Variants in ARRDC2 observed in about 807,000 individuals in gnomAD.
ARRDC2 encodes arrestin domain containing 2.
Under a neutral mutation model 38.9 loss-of-function variants are expected in ARRDC2, and 39 were observed. The observed-to-expected ratio is 1.00, with a 90% CI of 0.78 to 1.31. The LOEUF (loss-of-function observed/expected upper bound fraction) is 1.31. Ranked by LOEUF, ARRDC2 falls within the 50% of genes most tolerant of loss-of-function variation. ARRDC2 has a pLI of 0.00. For missense variants in ARRDC2, 553 were observed against 588.4 expected (o/e 0.94, Z 0.62); for synonymous variants, 300 against 261.9 (o/e 1.15, Z -1.41).
chr19:18,004,106 C>T (rs1384814045), upstream of ARRDC2, among the ~76,000 whole-genome samples: 5 of 148,050 alleles, frequency 3.4e-5, no homozygotes, highest in East Asian at 2.2e-4. Flanking sequence ...ATTGGCTGGG[C>T]GCAGTGGCTT....
Position 18,012,895 on chromosome 19 carries a change from T to G in ARRDC2, c.1171-18T>G. ...GTTTCCAGTGTTCTCTGAGGCTTAA[T>G]GGGAACATTTCTCTTAGGAGGATCC... On this transcript the variant is annotated intron_variant, in intron 7 of 7. Coordinates refer to ENST00000222250, the MANE Select transcript of ARRDC2 (RefSeq NM_015683.2). 6.2e-7 allele frequency: 1 copy of G among 1,611,960 alleles called. No homozygotes were observed. Among genetic ancestry groups the G allele is most frequent in the Non-Finnish European group, 8.5e-7 (1 of 1,178,468 alleles).
In ARRDC2 at chr19:18,008,705, C is replaced by T. The variant is rs766662367; in HGVS notation, c.275-6C>T. On this transcript the variant is annotated splice_polypyrimidine_tract_variant and splice_region_variant and intron_variant, in intron 1 of 7. Coordinates refer to ENST00000222250, the MANE Select transcript of ARRDC2 (RefSeq NM_015683.2). ...CTCAGTCGCCTCCTTTTTCTCCTAC[C>T]TGCAGATACCGGGGAGACCACGACG... is the stretch of plus-strand genomic sequence containing the variant. 3.6e-5 allele frequency: 58 copies of T among 1,612,970 alleles called. No individual in the cohort carries two copies. Among genetic ancestry groups the T allele is most frequent in the Admixed American group, 1.7e-4 (10 of 59,994 alleles).
chr19:18,001,243 G>C lies in ARRDC2; in HGVS notation c.-72G>C, dbSNP rs368334645. On this transcript the variant is annotated 5_prime_UTR_variant, in exon 1 of 8. Transcript: ENST00000379656. Reference sequence around the variant, plus strand: ...CGCGACGGGGGAACGCGGAAACCCCGGGGATCTGCAGGCGCGCCCGGGCCG... The same window carrying C: ...CGCGACGGGGGAACGCGGAAACCCCCGGGATCTGCAGGCGCGCCCGGGCCG... 1.4e-5 allele frequency: 16 copies of C among 1,135,472 alleles called. No individual in the cohort carries two copies. In the South Asian group the frequency reaches 5.7e-4, roughly 40 times the overall value. 70.3% of individuals were successfully genotyped at this position (1,135,472 alleles called of 1,614,324 possible). A position where few individuals can be genotyped will look rare whatever the true frequency, so the allele number is the denominator to read the frequency against.
In ARRDC2 at chr19:18,008,540, A is replaced by G; in HGVS notation, c.230A>G (p.Glu77Gly). Residue 77 changes from glutamate to glycine, a missense_variant, in exon 1 of 8, where the codon GAA (glutamate) becomes GGA (glycine). Around this residue, in one of 3 missense-constraint regions of ARRDC2, gnomAD observed 447 missense variants for 456.6 expected, o/e 0.98. Coordinates refer to ENST00000222250, the MANE Select transcript of ARRDC2 (RefSeq NM_015683.2). ...SSTAYTQSYSERVEVVSHRAT... is the reference protein window; with the variant it reads ...SSTAYTQSYSGRVEVVSHRAT... ...ACGGCTTACACGCAGAGCTACAGTG[A>G]ACGCGTGGAGGTCGTGAGCCACCGC... The G allele has an allele frequency of 6.4e-7, 1 of 1,558,250 alleles. No homozygotes were observed. The highest frequency in any genetic ancestry group is 8.6e-7 in the Non-Finnish European group (1 of 1,159,476).
chr19:18,001,552 C>A (rs113540008), exon 1 of ARRDC2: 1 of 1,372,806 alleles, frequency 7.3e-7, no homozygotes, highest in South Asian at 1.6e-5. Context: ...CTACCTGCGG[C>A]GTCGGCAGCT....
At position 18,008,715 on chromosome 19, in the gene ARRDC2, C is replaced by CG. The variant is rs761759708; in HGVS notation, c.283dup (p.Glu95GlyfsTer11). 72 of 1,613,292 alleles carry CG rather than the reference C, an allele frequency of 4.5e-5. No individual in the cohort carries two copies. The highest frequency in any genetic ancestry group is 1.2e-4 in the Admixed American group (7 of 60,008). The stretch of plus-strand genomic sequence containing the variant: ...TCCTTTTTCTCCTACCTGCAGATAC[C>CG]GGGGAGACCACGACGCTGCCTCCTG... On this transcript the variant is annotated frameshift_variant, in exon 2 of 8. Coordinates refer to ENST00000222250, the MANE Select transcript of ARRDC2 (RefSeq NM_015683.2). LOFTEE classifies it high-confidence loss of function.
At chr19:18,005,821 C>A (rs1356423784), upstream of ARRDC2, among the ~76,000 whole-genome samples, 1 of 151,894 alleles carries the variant, frequency 6.6e-6, no homozygotes, top group Non-Finnish European at 1.5e-5. Flanking sequence ...AAGCTCCTCA[C>A]TTCCCAGACG....
chr19:18,003,159 A>T (rs570719035), intron 1 of ARRDC2, among the ~76,000 whole-genome samples: 1 of 152,076 alleles, frequency 6.6e-6, no homozygotes, highest in Non-Finnish European at 1.5e-5. Flanking sequence ...TGGTGGGTCC[A>T]CCTGTGGTCC....
At position 18,013,029 on chromosome 19, in the gene ARRDC2, G is replaced by A. The variant is rs914738461; in HGVS notation, c.*63G>A. 2 of 1,565,586 alleles carry A rather than the reference G, an allele frequency of 1.3e-6. No homozygotes were observed. The highest frequency in any genetic ancestry group is 1.7e-5 in the Admixed American group (1 of 58,680). ...CAGCTTTCAGCCACCATGACTGTGGGGAGTGGCTGGACCAAGGGCTGACCT... is the reference window on the plus strand; with the variant it reads ...CAGCTTTCAGCCACCATGACTGTGGAGAGTGGCTGGACCAAGGGCTGACCT... On this transcript the variant is annotated 3_prime_UTR_variant, in exon 8 of 8. Coordinates refer to ENST00000222250, the MANE Select transcript of ARRDC2 (RefSeq NM_015683.2).
chr19:18,011,363 C>T (rs1363516285), intron 7 of ARRDC2, among the ~76,000 whole-genome samples: 1 of 151,914 alleles, frequency 6.6e-6, no homozygotes, highest in African/African-American at 2.4e-5. Context: ...AACTCCTGGG[C>T]TCAAATGATC....
chr19:18,007,161 C>A (rs2033296954), upstream of ARRDC2: 1 of 152,370 alleles, frequency 6.6e-6, no homozygotes, highest in African/African-American at 2.4e-5. Flanking sequence ...GAGAGGGCGC[C>A]AGCGTCCCGC....
Position 18,008,603 on chromosome 19 carries a change from T to A in ARRDC2, c.274+19T>A. Reference sequence around the variant, plus strand: ...GCGCCAGGTACGGATGGAGGACCCCTGCTCCAACACCAGTTGTGTGCCTCC... The same window carrying A: ...GCGCCAGGTACGGATGGAGGACCCCAGCTCCAACACCAGTTGTGTGCCTCC... On this transcript the variant is annotated intron_variant, in intron 1 of 7. Coordinates refer to ENST00000222250, the MANE Select transcript of ARRDC2 (RefSeq NM_015683.2). 1 of 1,594,998 alleles carries A rather than the reference T, an allele frequency of 6.3e-7. No individual in the cohort carries two copies. Among genetic ancestry groups the A allele is most frequent in the Non-Finnish European group, 8.5e-7 (1 of 1,177,162 alleles).
chr19:18,011,948 ATATATT>A (rs1174554643), intron 7 of ARRDC2, among the ~76,000 whole-genome samples: 28 of 55,084 alleles, frequency 5.1e-4, no homozygotes, highest in African/African-American at 2.0e-3. Context: ...ATATATATAT[ATATATT>A]TTTTTTTTTT....
At chr19:18,008,932 C>G (rs746492598) in intron 2 of ARRDC2, 39 bp from the exon 3 acceptor site, 11 of 1,610,210 alleles carry the variant, frequency 6.8e-6, no homozygotes, top group African/African-American at 2.7e-5. Flanking sequence ...CTGCTTGTCT[C>G]TGTATCTTGT....
chr19:18,007,991 C>T, upstream of ARRDC2: 1 of 552,974 alleles, frequency 1.8e-6, no homozygotes, highest in Non-Finnish European at 2.9e-6. Context: ...CCCCGGGGTC[C>T]GCGAGGGAAG....
At chr19:18,008,121 A>ACCCCCCCCCCCC (rs149842719), upstream of ARRDC2, 54 of 370,626 alleles carry the variant, frequency 1.5e-4, no homozygotes, top group South Asian at 4.5e-4. Context: ...CGGTGACCCC[A>ACCCCCCCCCCCC]CCCCCCCCCG....
rs150741664 is a variant in ARRDC2, at chr19:18,009,037, C to T, written c.408C>T (p.His136=). The T allele has an allele frequency of 7.4e-6, 12 of 1,613,530 alleles. No individual in the cohort carries two copies. The highest frequency in any genetic ancestry group is 9.3e-6 in the Non-Finnish European group (11 of 1,180,002). Residue 136 remains histidine (H), a synonymous_variant, in exon 3 of 8, where the codon CAC becomes CAT. Coordinates refer to ENST00000222250, the MANE Select transcript of ARRDC2 (RefSeq NM_015683.2). ...SVRYCIKATL[H]RPWVPARRAR... is the part of the protein sequence containing the mutation. Reference sequence around the variant, plus strand: ...GCTACTGTATCAAGGCCACCCTGCACCGGCCCTGGGTCCCAGCACGCCGGG... The same window carrying T: ...GCTACTGTATCAAGGCCACCCTGCATCGGCCCTGGGTCCCAGCACGCCGGG...
At chr19:18,011,712 A>C (rs923851754) in intron 7 of ARRDC2, among the ~76,000 whole-genome samples, 1 of 151,690 alleles carries the variant, frequency 6.6e-6, no homozygotes, top group Non-Finnish European at 1.5e-5. Flanking sequence ...ACTGCAAATA[A>C]TACAAAATTA....
chr19:18,008,565 C>T lies in ARRDC2; in HGVS notation c.255C>T (p.Arg85=), dbSNP rs779259957. 86 of 1,578,902 alleles carry T rather than the reference C, an allele frequency of 5.4e-5. No homozygotes were observed. Among genetic ancestry groups the T allele is most frequent in the Non-Finnish European group, 6.8e-5 (79 of 1,170,264 alleles). ...YSERVEVVSH[R]ATLLAPDTGE... ...AACGCGTGGAGGTCGTGAGCCACCGCGCCACGCTCCTGGCGCCAGGTACGG... is the reference window on the plus strand; with the variant it reads ...AACGCGTGGAGGTCGTGAGCCACCGTGCCACGCTCCTGGCGCCAGGTACGG... The change falls in exon 1 of 8, where the codon CGC becomes CGT. Residue 85 remains arginine, a synonymous_variant. Transcript: ENST00000222250.
Sources: allele counts gnomAD v4.1 joint callset (sites outside exome capture counted in the v4.1 genomes callset), GRCh38; gene constraint gnomAD v4.1.1; regional missense constraint gnomAD v4.1.1; transcripts MANE v1.5; gene names NCBI Gene and HGNC (gene_info 2026-07-23, HGNC 2026-07-21).